Variants in PRIM2 observed in about 807,000 individuals in gnomAD.
The protein encoded by PRIM2 is DNA primase subunit 2, also known as DNA primase large subunit.
Under a neutral mutation model 67.3 loss-of-function variants are expected in PRIM2, and 39 were observed. That is an observed-to-expected ratio of 0.58 (90% CI 0.45 to 0.76). The LOEUF is 0.76. Ranked by LOEUF, PRIM2 falls within the 30% of genes least tolerant of loss-of-function variation. The probability of loss-of-function intolerance (pLI) is 0.00; values close to 1 mark genes in which losing one functional copy is unlikely to be tolerated. For missense variants in PRIM2, 398 were observed against 598.7 expected, an observed-to-expected ratio of 0.66 and a Z score of 3.50; for synonymous variants, 143 against 198.7, an observed-to-expected ratio of 0.72 and a Z score of 2.36.
the PRIM2 span, among the ~76,000 whole-genome samples, chr6:57,296,538 T>C: frequency 6.6e-6 from 1 of 151,952 alleles, no homozygotes; most frequent in Admixed American, 6.6e-5. Flanking sequence ...ATTGTATGTA[T>C]ATATAGAGAG....
At chr6:57,378,966 G>A (rs551549726) in intron 5 of PRIM2, among the ~76,000 whole-genome samples, 2 of 139,262 alleles carry the variant, frequency 1.4e-5, no homozygotes, top group East Asian at 2.0e-4. Flanking sequence ...ATAAAGAAAC[G>A]TTTTTATTTG....
intron 7 of PRIM2, among the ~76,000 whole-genome samples, chr6:57,428,795 C>T (rs1771717614): frequency 6.6e-6 from 1 of 152,068 alleles, no homozygotes; most frequent in Non-Finnish European, 1.5e-5. Flanking sequence ...TTCAATTGTA[C>T]CTCCCATTCA....
chr6:57,570,966 A>T (rs1190833314), intron 10 of PRIM2, among the ~76,000 whole-genome samples: 1 of 152,188 alleles, frequency 6.6e-6, no homozygotes. Context: ...AGATATGCAC[A>T]GGGGCAATTT....
chr6:57,553,051 C>T (rs1775435358), intron 10 of PRIM2, among the ~76,000 whole-genome samples: 1 of 152,172 alleles, frequency 6.6e-6, no homozygotes, highest in Non-Finnish European at 1.5e-5. Context: ...ATACCATTGT[C>T]ACTAGCTTAA....
the PRIM2 span, among the ~76,000 whole-genome samples, chr6:57,239,615 G>A: frequency 6.6e-6 from 1 of 152,130 alleles, no homozygotes; most frequent in African/African-American, 2.4e-5. Context: ...GGTGGCGCAT[G>A]CCTGTATTCT....
intron 13 of PRIM2, among the ~76,000 whole-genome samples, chr6:57,637,900 C>T (rs1299966529): frequency 6.6e-5 from 10 of 152,252 alleles, no homozygotes; most frequent in Admixed American, 2.0e-4. Context: ...ATGCAGAGAA[C>T]ACCACAAAGA....
chr6:57,446,418 C>CTTTTTTTTTTTGTTTTTTTTT (rs1772367421), intron 7 of PRIM2, among the ~76,000 whole-genome samples: 1 of 83,814 alleles, frequency 1.2e-5, no homozygotes, highest in East Asian at 3.4e-4. Flanking sequence ...CACGCCACTT[C>CTTTTTTTTTTTGTTTTTTTTT]TTTTTTTTTT....
intron 8 of PRIM2, among the ~76,000 whole-genome samples, chr6:57,518,138 T>G (rs1774524438): frequency 6.6e-6 from 1 of 152,198 alleles, no homozygotes; most frequent in East Asian, 1.9e-4. Context: ...AAAGTAGTGC[T>G]AGAAAGGATA....
At chr6:57,337,737 A>G (rs1400846248) in intron 5 of PRIM2, among the ~76,000 whole-genome samples, 2 of 152,230 alleles carry the variant, frequency 1.3e-5, no homozygotes, top group African/African-American at 4.8e-5. Flanking sequence ...ATATAGTGCT[A>G]AATGCCCACA....
At chr6:57,373,434 C>T (rs1769636196) in intron 5 of PRIM2, among the ~76,000 whole-genome samples, 1 of 151,942 alleles carries the variant, frequency 6.6e-6, no homozygotes, top group Admixed American at 6.6e-5. Flanking sequence ...GATTCTTTTG[C>T]TGTGCAGAAG....
At chr6:57,283,827 AGG>A in the PRIM2 span, among the ~76,000 whole-genome samples, 1 of 152,082 alleles carries the variant, frequency 6.6e-6, no homozygotes, top group East Asian at 1.9e-4. Context: ...CCTAAATTAT[AGG>A]TAATATATTC....
intron 7 of PRIM2, among the ~76,000 whole-genome samples, chr6:57,447,306 C>T (rs1374125072): frequency 6.6e-6 from 1 of 152,144 alleles, no homozygotes; most frequent in Non-Finnish European, 1.5e-5. Context: ...ACCTGGTCCC[C>T]ATTGTTCTCA....
chr6:57,337,095 G>T (rs1768280316), intron 5 of PRIM2, among the ~76,000 whole-genome samples: 1 of 152,216 alleles, frequency 6.6e-6, no homozygotes, highest in South Asian at 2.1e-4. Flanking sequence ...AACCAACAAA[G>T]ATCAAAAGAG....
chr6:57,354,840 CTTTG>C (rs1005045918), intron 5 of PRIM2, among the ~76,000 whole-genome samples: 10 of 152,188 alleles, frequency 6.6e-5, no homozygotes, highest in African/African-American at 1.7e-4. Context: ...AAGAGTTGAA[CTTTG>C]TTTGGCTTTT....
chr6:57,354,772 G>A (rs1768971727), intron 5 of PRIM2, among the ~76,000 whole-genome samples: 3 of 152,214 alleles, frequency 2.0e-5, no homozygotes, highest in Non-Finnish European at 4.4e-5. Context: ...CACAAATGCT[G>A]TGCATCAAAG....
intron 10 of PRIM2, among the ~76,000 whole-genome samples, chr6:57,594,774 C>A (rs1776337337): frequency 1.3e-5 from 2 of 152,150 alleles, no homozygotes; most frequent in Non-Finnish European, 1.5e-5. Context: ...GAGAGCACTA[C>A]CATTAAAAAG....
chr6:57,336,947 G>T (rs1217457636), intron 5 of PRIM2, among the ~76,000 whole-genome samples: 3 of 152,124 alleles, frequency 2.0e-5, no homozygotes, highest in African/African-American at 7.2e-5. Context: ...CCATCAGTGT[G>T]CTGTATTCAG....
chr6:57,549,860 CA>C (rs1470395179), intron 10 of PRIM2, among the ~76,000 whole-genome samples: 12 of 152,184 alleles, frequency 7.9e-5, no homozygotes, highest in Admixed American at 2.6e-4. Context: ...CCGAGGCGGG[CA>C]GATGACCTGA....
At chr6:57,332,849 G>A (rs528372695) in intron 5 of PRIM2, among the ~76,000 whole-genome samples, 2 of 151,880 alleles carry the variant, frequency 1.3e-5, no homozygotes, top group Non-Finnish European at 2.9e-5. Flanking sequence ...CTTTTGCATG[G>A]ATTGTTTTAT....
Sources: gnomAD v4.1 joint callset for allele counts (sites outside exome capture counted in the v4.1 genomes callset) on GRCh38, gnomAD v4.1.1 for gene constraint, MANE v1.5 for transcripts, NCBI Gene and HGNC (gene_info 2026-07-23, HGNC 2026-07-21) for gene names.